Variants in ADAMTS9 observed in about 807,000 individuals in gnomAD.
ADAMTS9 encodes A disintegrin and metalloproteinase with thrombospondin motifs 9.
A neutral mutation model predicts 257.1 loss-of-function variants in ADAMTS9; 107 were observed. That is an observed-to-expected ratio of 0.42 (90% CI 0.36 to 0.49). The LOEUF is 0.49. Among genes scored for constraint, ADAMTS9 ranks in the 20% least tolerant of loss-of-function variants. ADAMTS9 has a pLI of 0.03. For missense variants in ADAMTS9, 2,353 were observed against 2,469.1 expected (o/e 0.95, Z 1.00); for synonymous variants, 982 against 880.9 (o/e 1.11, Z -2.03).
intron 28 of ADAMTS9, among the ~76,000 whole-genome samples, chr3:64,576,055 A>G (rs2083837265): frequency 6.6e-6 from 1 of 152,184 alleles, no homozygotes; most frequent in Admixed American, 6.5e-5. Context: ...TTCCCAGAGA[A>G]ATCAATCCAC....
intron 19 of ADAMTS9, among the ~76,000 whole-genome samples, chr3:64,620,259 C>T (rs1456458502): frequency 6.6e-6 from 1 of 152,156 alleles, no homozygotes; most frequent in Non-Finnish European, 1.5e-5. Context: ...CTCAAGTAGG[C>T]CTCATAATCT....
Position 64,687,342 on chromosome 3 carries a change from G to T in ADAMTS9, c.115+201C>A, listed in dbSNP as rs541410421. On this transcript the variant is annotated intron_variant, in intron 1 of 39. Transcript: ENST00000498707. This position sits in a 1 kb window ranked among gnomAD's most constrained non-coding sequence, Gnocchi z 4.4. ...ATCTGGCAACAGCAAGGTAGGGGGGGGTTGCCTAAATTCGTTTCCATAGTG... is the reference window on the plus strand; with the variant it reads ...ATCTGGCAACAGCAAGGTAGGGGGGTGTTGCCTAAATTCGTTTCCATAGTG... Among the ~76,000 whole-genome samples the T allele has an allele frequency of 2.0e-4, 31 of 152,302 alleles. No homozygotes were observed. The South Asian group carries it at 4.8e-3, about 23-fold the overall frequency.
intron 12 of ADAMTS9, among the ~76,000 whole-genome samples, chr3:64,639,303 T>TTTG (rs1700578865): frequency 7.6e-5 from 11 of 144,536 alleles, no homozygotes; most frequent in Non-Finnish European, 1.5e-4. Flanking sequence ...GTTTTTTTTT[T>TTTG]TTTTTTTTTA....
intron 39 of ADAMTS9, among the ~76,000 whole-genome samples, chr3:64,517,755 C>T (rs1051779921): frequency 1.3e-5 from 2 of 151,854 alleles, no homozygotes; most frequent in African/African-American, 2.4e-5. Flanking sequence ...ATTGTATATA[C>T]GTGCTATATA....
Position 64,631,969 on chromosome 3 carries a change from G to A in ADAMTS9, c.2176-44C>T, listed in dbSNP as rs372158884. On this transcript the variant is annotated intron_variant, in intron 14 of 39. Transcript: ENST00000498707. ...TTGAAATAAATGTAAGCATTATAGA[G>A]ATTATAAAATGGCAAATAATGTGTT... is the stretch of plus-strand genomic sequence containing the variant. The A allele has an allele frequency of 5.1e-5, 72 of 1,419,366 alleles. No individual in the cohort carries two copies. In the Middle Eastern group the frequency reaches 8.9e-4, roughly 17 times the overall value. The allele number at this position is 1,419,366 out of a possible 1,614,324, so 87.9% of individuals were successfully genotyped here. A position where few individuals can be genotyped will look rare whatever the true frequency, so the allele number is the denominator to read the frequency against.
rs60660621 is a variant in ADAMTS9, at chr3:64,659,473, CAAA to C, written c.680-685_680-683del. 6.4e-3 allele frequency among the ~76,000 whole-genome samples: 576 copies of C among 90,662 alleles called. 4 individuals are homozygous for C. Among genetic ancestry groups the C allele is most frequent in the Non-Finnish European group, 9.3e-3 (423 of 45,432 alleles). The allele number at this position is 90,662 out of a possible 152,430, so 59.5% of individuals were successfully genotyped here. On this transcript the variant is annotated intron_variant, in intron 3 of 39. Coordinates refer to ENST00000498707, the MANE Select transcript of ADAMTS9 (RefSeq NM_182920.2). ...AGACAAAGGGATACTCTGTCTCAAA[CAAA>C]AAAAAAAAAAAAAAAAGGAAATGTT...
At chr3:64,650,827 A>G (rs2106946056) in intron 9 of ADAMTS9, 190 bp downstream of exon 9, 2 of 560,702 alleles carry the variant, frequency 3.6e-6, no homozygotes, top group Middle Eastern at 4.7e-4. Context: ...GTAATCTTCT[A>G]AACTCTGTCA....
intron 27 of ADAMTS9, among the ~76,000 whole-genome samples, chr3:64,595,009 G>A (rs1237621436): frequency 7.2e-5 from 11 of 151,990 alleles, no homozygotes; most frequent in Admixed American, 1.3e-4. Flanking sequence ...GGATGGTCTC[G>A]ATCTCCTGAG....
intron 28 of ADAMTS9, chr3:64,588,908 A>G (rs1044841233): frequency 6.6e-5 from 10 of 152,212 alleles, no homozygotes; most frequent in African/African-American, 2.2e-4. Flanking sequence ...GAACTAAGGT[A>G]AACTTTGTAA....
rs182130219 is a variant in ADAMTS9 at position 64,660,424 on chromosome 3, G to A, written c.680-1633C>T. ...ATACAGTGGTCCCCCCTTTTTCATGGTTTCGGTTCCCTTGGTTTCAGTTAC... is the reference window on the plus strand; with the variant it reads ...ATACAGTGGTCCCCCCTTTTTCATGATTTCGGTTCCCTTGGTTTCAGTTAC... On this transcript the variant is annotated intron_variant, in intron 3 of 39. Transcript: ENST00000498707. Among the ~76,000 whole-genome samples the A allele has an allele frequency of 2.0e-5, 3 of 152,176 alleles. No homozygotes were observed. The East Asian group carries it at 5.8e-4, about 29-fold the overall frequency.
chr3:64,594,423 C>T lies in ADAMTS9; in HGVS notation c.4191G>A (p.Leu1397=). 1.9e-6 allele frequency: 3 copies of T among 1,612,558 alleles called. No individual in the cohort carries two copies. Among genetic ancestry groups the T allele is most frequent in the Non-Finnish European group, 2.5e-6 (3 of 1,179,282 alleles). ...AYGNWGECTK[L]CGGGIRTRLV... ...GTCTTGTTCTTATGCCTCCACCACA[C>T]AGCTTAGTGCACTGGAAGAAGGAAA... The change falls in exon 28 of 40, where the codon CTG becomes CTA. Residue 1397 remains leucine (L), a synonymous_variant. Coordinates refer to ENST00000498707, the MANE Select transcript of ADAMTS9 (RefSeq NM_182920.2).
Position 64,597,006 on chromosome 3 carries a change from C to T in ADAMTS9, c.4018-15G>A, listed in dbSNP as rs377735658. ...GTACTGGAACACTAAACACATCAGT[C>T]GACAAGTTAATCCCCACCTCAATCT... On this transcript the variant is annotated splice_polypyrimidine_tract_variant and intron_variant, in intron 26 of 39. Coordinates refer to ENST00000498707, the MANE Select transcript of ADAMTS9 (RefSeq NM_182920.2). 63 of 1,612,964 alleles carry T rather than the reference C, an allele frequency of 3.9e-5. No homozygotes were observed. In the African/African-American group the frequency reaches 6.9e-4, roughly 18 times the overall value.
At chr3:64,544,459 A>G (rs1056009850) in intron 32 of ADAMTS9, among the ~76,000 whole-genome samples, 11 of 152,136 alleles carry the variant, frequency 7.2e-5, no homozygotes, top group Non-Finnish European at 1.3e-4. Context: ...AAATAACACC[A>G]CACATCTACA....
At chr3:64,567,615 G>C (rs1044107086) in intron 29 of ADAMTS9, among the ~76,000 whole-genome samples, 1 of 151,774 alleles carries the variant, frequency 6.6e-6, no homozygotes. Flanking sequence ...GTTCAATAGG[G>C]AAACTCACAC....
chr3:64,556,674 G>A (rs1017427714), intron 30 of ADAMTS9, among the ~76,000 whole-genome samples: 7 of 152,014 alleles, frequency 4.6e-5, no homozygotes, highest in African/African-American at 1.7e-4. Context: ...TAGAGTGAAA[G>A]ATGAAAGTCC....
At chr3:64,651,205 A>G in intron 8 of ADAMTS9, 42 bp from the exon 9 acceptor site, 1 of 1,522,916 alleles carries the variant, frequency 6.6e-7, no homozygotes, top group South Asian at 1.3e-5. Context: ...AATAAACACC[A>G]AGGGATCATG....
chr3:64,581,129 C>T (rs2083987813), intron 28 of ADAMTS9, among the ~76,000 whole-genome samples: 1 of 152,194 alleles, frequency 6.6e-6, no homozygotes, highest in South Asian at 2.1e-4. Context: ...CCAGGGCTCA[C>T]ATCAGATGTT....
intron 28 of ADAMTS9, among the ~76,000 whole-genome samples, chr3:64,584,566 T>C (rs2084097077): frequency 6.6e-6 from 1 of 152,214 alleles, no homozygotes; most frequent in Admixed American, 6.5e-5. Flanking sequence ...AATCCAGATC[T>C]ACTCTTTACT....
intron 9 of ADAMTS9, 123 bp from the exon 10 acceptor site, chr3:64,649,901 G>A: frequency 8.2e-7 from 1 of 1,213,534 alleles, no homozygotes; most frequent in Non-Finnish European, 1.1e-6. Flanking sequence ...TTTAACATGT[G>A]CTTTATTCTT....
Sources: gnomAD v4.1 joint callset for allele counts (sites outside exome capture counted in the v4.1 genomes callset) on GRCh38, gnomAD v4.1.1 for gene constraint, Gnocchi (gnomAD v3.1) non-coding constraint, MANE v1.5 for transcripts, NCBI Gene and HGNC (gene_info 2026-07-23, HGNC 2026-07-21) for gene names.